Variants in OGFR observed in about 807,000 individuals in gnomAD.
The protein encoded by OGFR is protein 7-60.
OGFR carries 18 observed loss-of-function variants against 33.6 expected under a neutral mutation model. The ratio of observed to expected loss-of-function variants is 0.54; its 90% CI spans 0.37 to 0.80. The LOEUF is 0.80. Ranked by LOEUF, OGFR falls within the 30% of genes least tolerant of loss-of-function variation. The pLI is 0.00. For missense variants in OGFR, 877 were observed against 955.8 expected (o/e 0.92, Z 1.09); for synonymous variants, 370 against 400.7 (o/e 0.92, Z 0.91).
At chr20:62,811,740 T>C (rs1373426317) in intron 6 of OGFR, 130 bp downstream of exon 6, 19 of 1,044,136 alleles carry the variant, frequency 1.8e-5, no homozygotes, top group Non-Finnish European at 2.6e-5. Flanking sequence ...ACCAAGGCCC[T>C]GAGTCCCCTC....
chr20:62,811,784 G>T (rs532529439), intron 6 of OGFR, among the ~76,000 whole-genome samples, 174 bp downstream of exon 6: 69 of 152,296 alleles, frequency 4.5e-4, no homozygotes, highest in African/African-American at 1.7e-3. Context: ...GTCCCTCCCC[G>T]ATAGGGTTGG....
At chr20:62,809,427 G>A (rs989617499) in intron 3 of OGFR, among the ~76,000 whole-genome samples, 158 bp from the exon 4 acceptor site, 4 of 152,214 alleles carry the variant, frequency 2.6e-5, no homozygotes, top group South Asian at 4.1e-4. Flanking sequence ...CAGCCCCACT[G>A]AGCCTAGCAC....
intron 2 of OGFR, 103 bp from the exon 3 acceptor site, chr20:62,808,144 C>G: frequency 2.2e-6 from 2 of 918,152 alleles, no homozygotes; most frequent in South Asian, 1.3e-5. Flanking sequence ...GGGTATTGGG[C>G]CAGCCTGGAG....
intron 4 of OGFR, 40 bp from the exon 5 acceptor site, chr20:62,810,459 G>A (rs1372638912): frequency 5.6e-6 from 9 of 1,605,120 alleles, no homozygotes; most frequent in African/African-American, 1.3e-5. Flanking sequence ...TCTGGAAGCG[G>A]CTCTCCTAAT....
intron 2 of OGFR, 28 bp downstream of exon 2, chr20:62,807,633 C>T (rs1286865347): frequency 6.2e-7 from 1 of 1,602,812 alleles, no homozygotes; most frequent in Admixed American, 1.7e-5. Flanking sequence ...CCCCGGGACA[C>T]AGAACCCTCC....
At position 62,812,574 on chromosome 20, in the gene OGFR, A is replaced by G. The variant is rs1166361179; in HGVS notation, c.959A>G (p.Asp320Gly). The G allele has an allele frequency of 1.3e-6, 2 of 1,577,256 alleles. No homozygotes were observed. Among genetic ancestry groups the G allele is most frequent in the African/African-American group, 2.7e-5 (2 of 74,132 alleles). ...VEEEGSPGDP[D>G]HEASTQGRTC... is the part of the protein sequence containing the mutation. Reference sequence around the variant, plus strand: ...GAGGAAGGAAGCCCCGGGGACCCCGACCACGAGGCCAGCACCCAGGGTCGG... The same window carrying G: ...GAGGAAGGAAGCCCCGGGGACCCCGGCCACGAGGCCAGCACCCAGGGTCGG... Residue 320 changes from aspartate (D) to glycine (G), a missense_variant, in exon 7 of 7, where the codon GAC (aspartate) becomes GGC (glycine). By Grantham distance (94) the Asp-to-Gly change is moderately conservative (BLOSUM62 -1). This residue lies in a region of OGFR where 760 missense variants were observed against 736.0 expected (regional missense o/e 1.03). Transcript: ENST00000290291.
chr20:62,809,066 C>CGGGCACGTGCCCACACCTGTTT (rs1990665386), intron 3 of OGFR, among the ~76,000 whole-genome samples: 1 of 151,428 alleles, frequency 6.6e-6, no homozygotes, highest in Non-Finnish European at 1.5e-5. Flanking sequence ...TAAAGCTTCA[C>CGGGCACGTGCCCACACCTGTTT]GGGCACGTGC....
Position 62,813,122 on chromosome 20 carries a change from G to A in OGFR, c.1507G>A (p.Asp503Asn), listed in dbSNP as rs1188443084. ...AGHSENGVEE[D>N]TEGRTGPKEG... Reference sequence around the variant, plus strand: ...ACACAGTGAGAACGGGGTTGAGGAGGACACAGAAGGTCGAACGGGGCCCAA... The same window carrying A: ...ACACAGTGAGAACGGGGTTGAGGAGAACACAGAAGGTCGAACGGGGCCCAA... Residue 503 changes from aspartate to asparagine, a missense_variant, in exon 7 of 7, where the codon GAC becomes AAC. Asp to Asn is a conservative substitution (Grantham distance 23, BLOSUM62 1). Transcript: ENST00000290291. 1 of 1,580,064 alleles carries A rather than the reference G, an allele frequency of 6.3e-7. No homozygotes were observed. Among genetic ancestry groups the A allele is most frequent in the Non-Finnish European group, 8.6e-7 (1 of 1,163,074 alleles).
Position 62,804,884 on chromosome 20 carries a change from A to G in OGFR, c.25A>G (p.Thr9Ala). Residue 9 changes from threonine (T) to alanine (A), a missense_variant, in exon 1 of 7, where the codon ACC (threonine) becomes GCC (alanine). Physicochemically the swap from Thr to Ala is moderately conservative, Grantham distance 58. Around this residue, in one of 3 missense-constraint regions of OGFR, gnomAD observed 760 missense variants for 736.0 expected, o/e 1.03. Transcript: ENST00000290291. MDDPDCDSTWEEDEEDAED... is the reference protein window; with the variant it reads MDDPDCDSAWEEDEEDAED... ...CATGGACGACCCCGACTGCGACTCC[A>G]CCTGGGAGGAGGACGAGGAGGATGC... 1 of 1,477,282 alleles carries G rather than the reference A, an allele frequency of 6.8e-7. No individual in the cohort carries two copies. Among genetic ancestry groups the G allele is most frequent in the Non-Finnish European group, 9.0e-7 (1 of 1,112,194 alleles). 91.5% of individuals were successfully genotyped at this position (1,477,282 alleles called of 1,614,324 possible).
Position 62,804,963 on chromosome 20 carries a change from A to T in OGFR, c.104A>T (p.Asp35Val). 2.7e-6 allele frequency: 4 copies of T among 1,490,204 alleles called. No homozygotes were observed. Among genetic ancestry groups the T allele is most frequent in the Non-Finnish European group, 3.6e-6 (4 of 1,120,732 alleles). The allele number at this position is 1,490,204 out of a possible 1,614,324, so 92.3% of individuals were successfully genotyped here. A position where few individuals can be genotyped will look rare whatever the true frequency, so the allele number is the denominator to read the frequency against. Residue 35 changes from aspartate to valine, a missense_variant, in exon 1 of 7, where the codon GAC (aspartate) becomes GTC (valine). Around this residue, in one of 3 missense-constraint regions of OGFR, gnomAD observed 760 missense variants for 736.0 expected, o/e 1.03. Transcript: ENST00000290291. ...CEDGEAAGAR[D>V]ADAGDEDEES... ...GACGGCGAGGCCGCCGGCGCGAGGGACGCGGACGCAGGGGACGAGGACGAG... is the reference window on the plus strand; with the variant it reads ...GACGGCGAGGCCGCCGGCGCGAGGGTCGCGGACGCAGGGGACGAGGACGAG...
At chr20:62,806,631 G>A (rs963295407) in intron 1 of OGFR, 5 of 152,146 alleles carry the variant, frequency 3.3e-5, no homozygotes, top group Admixed American at 6.5e-5. Context: ...GGAGCTCAGC[G>A]GGGAGCCAGG....
chr20:62,810,625 C>T (rs1420446324), intron 5 of OGFR, 60 bp downstream of exon 5: 22 of 1,533,074 alleles, frequency 1.4e-5, no homozygotes, highest in African/African-American at 6.8e-5. Flanking sequence ...CAAGCCACGC[C>T]GCTGCAGAGA....
Position 62,813,443 on chromosome 20 carries a change from G to C in OGFR, c.1828G>C (p.Ala610Pro). The change falls in exon 7 of 7, where the codon GCA becomes CCA. Residue 610 changes from alanine (A) to proline (P), a missense_variant. This residue lies in a region of OGFR where 72 missense variants were observed against 181.8 expected (regional missense o/e 0.40). Transcript: ENST00000290291. ...ETPGPRPAGP[A>P]GDEPAESPSE... ...CCCAGGCCCCCGCCCGGCAGGACCTGCAGGGGACGAGCCAGCCGAGAGCCC... is the reference window on the plus strand; with the variant it reads ...CCCAGGCCCCCGCCCGGCAGGACCTCCAGGGGACGAGCCAGCCGAGAGCCC... The C allele has an allele frequency of 6.8e-7, 1 of 1,474,662 alleles. No homozygotes were observed. 91.3% of individuals were successfully genotyped at this position (1,474,662 alleles called of 1,614,324 possible). A position where few individuals can be genotyped will look rare whatever the true frequency, so the allele number is the denominator to read the frequency against.
chr20:62,810,238 G>A (rs1207330896), intron 4 of OGFR, among the ~76,000 whole-genome samples: 1 of 152,188 alleles, frequency 6.6e-6, no homozygotes, highest in African/African-American at 2.4e-5. Flanking sequence ...ATGGCTGCAG[G>A]GCCCCTCGCT....
At position 62,811,626 on chromosome 20, in the gene OGFR, T is replaced by TGGCGCCCC; in HGVS notation, c.614+16_614+17insGGCGCCCC. The TGGCGCCCC allele has an allele frequency of 4.0e-6, 6 of 1,502,468 alleles. No individual in the cohort carries two copies. Among genetic ancestry groups the TGGCGCCCC allele is most frequent in the Non-Finnish European group, 5.4e-6 (6 of 1,110,064 alleles). The allele number at this position is 1,502,468 out of a possible 1,614,324, so 93.1% of individuals were successfully genotyped here. ...ACCTGAACTGGTGAGGCCCGGCTGC[T>TGGCGCCCC]CCCGCCCACCCCCACCCCGGCGCAG... On this transcript the variant is annotated intron_variant, in intron 6 of 6. Transcript: ENST00000290291.
At chr20:62,807,713 G>T in intron 2 of OGFR, 108 bp downstream of exon 2, 1 of 1,172,378 alleles carries the variant, frequency 8.5e-7, no homozygotes, top group Admixed American at 2.0e-5. Context: ...GCTGTGCCAG[G>T]GCCACAGTTC....
chr20:62,812,963 A>G lies in OGFR; in HGVS notation c.1348A>G (p.Arg450Gly). ...VQPCRQPLGA[R>G]VADKVRKRRK... ...GCCCTGCCGCCAACCCCTGGGAGCCAGGGTGGCCGACAAGGTGAGGAAGCG... is the reference window on the plus strand; with the variant it reads ...GCCCTGCCGCCAACCCCTGGGAGCCGGGGTGGCCGACAAGGTGAGGAAGCG... The change falls in exon 7 of 7, where the codon AGG becomes GGG. Residue 450 changes from arginine (R) to glycine (G), a missense_variant. By Grantham distance (125) the Arg-to-Gly change is moderately radical. Transcript: ENST00000290291. 11 of 1,612,272 alleles carry G rather than the reference A, an allele frequency of 6.8e-6. No individual in the cohort carries two copies. The highest frequency in any genetic ancestry group is 9.3e-6 in the Non-Finnish European group (11 of 1,179,754).
Position 62,807,554 on chromosome 20 carries a change from C to T in OGFR, c.189C>T (p.Ser63=), listed in dbSNP as rs1990625004. ...PSSFQSRMTG[S]RNWRATRDMC... ...CTTCCCAGTCCAGAATGACAGGGTCCAGAAACTGGCGAGCCACGAGGGACA... is the reference window on the plus strand; with the variant it reads ...CTTCCCAGTCCAGAATGACAGGGTCTAGAAACTGGCGAGCCACGAGGGACA... Residue 63 remains serine, a synonymous_variant, in exon 2 of 7, where the codon TCC becomes TCT. Transcript: ENST00000290291. 6.2e-7 allele frequency: 1 copy of T among 1,612,818 alleles called. No individual in the cohort carries two copies. The highest frequency in any genetic ancestry group is 2.2e-5 in the East Asian group (1 of 44,878).
Position 62,813,048 on chromosome 20 carries a change from C to T in OGFR, c.1433C>T (p.Thr478Ile). The part of the protein sequence containing the change: ...SAAVASGGAQ[T>I]LALAGSPAPS... ...GCGGTGGCCAGTGGTGGTGCCCAGA[C>T]CTTGGCCCTTGCCGGGTCCCCTGCC... The change falls in exon 7 of 7, where the codon ACC becomes ATC. Residue 478 changes from threonine (T) to isoleucine (I), a missense_variant. Around this residue, in one of 3 missense-constraint regions of OGFR, gnomAD observed 760 missense variants for 736.0 expected, o/e 1.03. Coordinates refer to ENST00000290291, the MANE Select transcript of OGFR (RefSeq NM_007346.4). 6.3e-7 allele frequency: 1 copy of T among 1,589,062 alleles called. No individual in the cohort carries two copies. Among genetic ancestry groups the T allele is most frequent in the South Asian group, 1.1e-5 (1 of 88,480 alleles).
Sources: allele counts gnomAD v4.1 joint callset (sites outside exome capture counted in the v4.1 genomes callset), GRCh38; gene constraint gnomAD v4.1.1; regional missense constraint gnomAD v4.1.1; transcripts MANE v1.5; gene names NCBI Gene and HGNC (gene_info 2026-07-23, HGNC 2026-07-21).